The following MEIS2 variants were observed in gnomAD, a reference collection of about 807,000 sequenced individuals.
MEIS2 encodes the protein homeobox protein Meis2.
MEIS2 carries 9 observed loss-of-function variants against 58.6 expected under a neutral mutation model. The observed-to-expected ratio is 0.15, with a 90% CI of 0.09 to 0.27. The LOEUF (loss-of-function observed/expected upper bound fraction) is 0.27. Among genes scored for constraint, MEIS2 ranks in the 10% least tolerant of loss-of-function variants. The pLI is 1.00. For synonymous variants in MEIS2, 221 were observed against 228.4 expected (o/e 0.97, Z 0.29); for missense variants, 427 against 635.0 (o/e 0.67, Z 3.52).
At chr15:36,916,154 G>A (rs62002394) in intron 9 of MEIS2, among the ~76,000 whole-genome samples, 9,391 of 151,284 alleles carry the variant, frequency 0.062, 499 homozygotes, top group East Asian at 0.25. Flanking sequence ...CAGGCTGGGC[G>A]CAGTGGCTCA....
intron 9 of MEIS2, among the ~76,000 whole-genome samples, chr15:36,942,470 C>T (rs1321481446): frequency 6.6e-6 from 1 of 152,114 alleles, no homozygotes; most frequent in Non-Finnish European, 1.5e-5. Context: ...CTAACCGATG[C>T]TCACTCTCTT....
At chr15:36,917,713 AT>A (rs1487239023) in intron 9 of MEIS2, among the ~76,000 whole-genome samples, 1 of 152,198 alleles carries the variant, frequency 6.6e-6, no homozygotes, top group Non-Finnish European at 1.5e-5. Flanking sequence ...GCACTAACTC[AT>A]CATTGTACTG....
intron 6 of MEIS2, among the ~76,000 whole-genome samples, chr15:37,084,709 T>G (rs929507208): frequency 6.6e-6 from 1 of 152,114 alleles, no homozygotes; most frequent in Non-Finnish European, 1.5e-5. Context: ...CTTGGCTGAG[T>G]ATATTCTTCT....
At chr15:36,945,324 C>T (rs1301487032) in intron 9 of MEIS2, among the ~76,000 whole-genome samples, 1 of 152,062 alleles carries the variant, frequency 6.6e-6, no homozygotes, top group Non-Finnish European at 1.5e-5. Context: ...CCTTAGGCTA[C>T]CACTCAGTTC....
At chr15:36,956,871 A>C (rs2058995358) in intron 8 of MEIS2, among the ~76,000 whole-genome samples, 1 of 136,684 alleles carries the variant, frequency 7.3e-6, no homozygotes, top group Non-Finnish European at 1.5e-5. Flanking sequence ...TTTCCCCTCC[A>C]GCTAGAAATG....
At chr15:37,023,709 C>T (rs377703214) in intron 8 of MEIS2, among the ~76,000 whole-genome samples, 15 of 152,206 alleles carry the variant, frequency 9.9e-5, no homozygotes, top group African/African-American at 3.1e-4. Context: ...CCATTCAGCC[C>T]GGCCCTTTTT....
intron 8 of MEIS2, 151 bp downstream of exon 8, chr15:37,036,663 G>T: frequency 1.3e-6 from 1 of 746,228 alleles, no homozygotes; most frequent in Non-Finnish European, 2.0e-6. Flanking sequence ...AATAGTTGAT[G>T]AAAAAAAAAA....
At chr15:37,050,672 TC>T (rs2062878330) in intron 7 of MEIS2, among the ~76,000 whole-genome samples, 1 of 152,152 alleles carries the variant, frequency 6.6e-6, no homozygotes, top group South Asian at 2.1e-4. Flanking sequence ...TCTGATGCAG[TC>T]CTTGTCCCTC....
intron 8 of MEIS2, among the ~76,000 whole-genome samples, chr15:36,959,959 G>A (rs1408848913): frequency 1.3e-5 from 2 of 151,994 alleles, no homozygotes; most frequent in African/African-American, 4.8e-5. Flanking sequence ...ATGAGACTGA[G>A]TTAGAAGGAA....
intron 8 of MEIS2, among the ~76,000 whole-genome samples, chr15:36,983,089 C>T (rs1217382373): frequency 1.3e-5 from 2 of 152,062 alleles, no homozygotes; most frequent in South Asian, 4.1e-4. Context: ...TCTCCAATTC[C>T]TATAGGCTGT....
At chr15:36,969,609 A>G (rs1007925241) in intron 8 of MEIS2, among the ~76,000 whole-genome samples, 1 of 152,260 alleles carries the variant, frequency 6.6e-6, no homozygotes, top group Admixed American at 6.5e-5. Flanking sequence ...TCTGTAGTGT[A>G]TATGAAAATT....
chr15:36,910,930 G>A (rs1045742646), intron 9 of MEIS2, among the ~76,000 whole-genome samples: 4 of 151,732 alleles, frequency 2.6e-5, no homozygotes, highest in Non-Finnish European at 5.9e-5. Context: ...CTGTACTCCC[G>A]GCTATTCGAG....
intron 8 of MEIS2, among the ~76,000 whole-genome samples, chr15:36,957,001 C>T (rs1393933960): frequency 6.7e-6 from 1 of 150,238 alleles, no homozygotes; most frequent in Non-Finnish European, 1.5e-5. Context: ...TATAGCAATA[C>T]AGATTCTGGT....
At chr15:37,015,278 C>T (rs756034049) in intron 8 of MEIS2, among the ~76,000 whole-genome samples, 5 of 152,150 alleles carry the variant, frequency 3.3e-5, no homozygotes, top group Admixed American at 1.3e-4. Flanking sequence ...TCTCCTGTGA[C>T]GAATGAGTCC....
intron 8 of MEIS2, among the ~76,000 whole-genome samples, chr15:36,962,197 T>C (rs2059207510): frequency 6.6e-6 from 1 of 152,260 alleles, no homozygotes; most frequent in Non-Finnish European, 1.5e-5. Flanking sequence ...GCATTTCTGA[T>C]GCCTGGTATG....
chr15:37,056,010 T>A (rs775629876), intron 7 of MEIS2, among the ~76,000 whole-genome samples: 11 of 152,212 alleles, frequency 7.2e-5, no homozygotes, highest in Non-Finnish European at 1.3e-4. Flanking sequence ...TCACAACTAG[T>A]GTTCCTCAAT....
At chr15:37,080,522 G>A (rs972147215) in intron 7 of MEIS2, among the ~76,000 whole-genome samples, 9 of 152,078 alleles carry the variant, frequency 5.9e-5, no homozygotes, top group Admixed American at 2.0e-4. Context: ...CTTCCTAGTC[G>A]TTACTCTGGC....
chr15:37,085,090 T>C (rs2141922916), intron 6 of MEIS2, among the ~76,000 whole-genome samples: 1 of 152,190 alleles, frequency 6.6e-6, no homozygotes, highest in Middle Eastern at 3.4e-3. Context: ...AGTATACAAA[T>C]TTTACAAAGT....
intron 7 of MEIS2, among the ~76,000 whole-genome samples, chr15:37,067,956 A>G (rs1890179833): frequency 6.6e-6 from 1 of 152,192 alleles, no homozygotes; most frequent in African/African-American, 2.4e-5. Flanking sequence ...TTATCACTTA[A>G]TTGCTATTAT....
Sources: allele counts gnomAD v4.1 joint callset (sites outside exome capture counted in the v4.1 genomes callset), GRCh38; gene constraint gnomAD v4.1.1; transcripts MANE v1.5; gene names NCBI Gene and HGNC (gene_info 2026-07-23, HGNC 2026-07-21).